The following UNC13C variants were observed in gnomAD, a reference collection of about 807,000 sequenced individuals.
The protein encoded by UNC13C is protein unc-13 homolog C.
In UNC13C, 174 loss-of-function variants were observed where a neutral mutation model predicts 245.4. The ratio of observed to expected loss-of-function variants is 0.71; its 90% CI spans 0.63 to 0.80. The LOEUF (loss-of-function observed/expected upper bound fraction) is 0.80. Among genes scored for constraint, UNC13C ranks in the 30% least tolerant of loss-of-function variants. The probability of loss-of-function intolerance (pLI) is 0.00; values close to 1 mark genes in which losing one functional copy is unlikely to be tolerated. For missense variants in UNC13C, 2,829 were observed against 2,602.9 expected (o/e 1.09, Z -1.89); for synonymous variants, 992 against 895.1 (o/e 1.11, Z -1.93).
intron 24 of UNC13C, among the ~76,000 whole-genome samples, chr15:54,515,085 A>T (rs190475676): frequency 1.6e-4 from 23 of 148,012 alleles, no homozygotes; most frequent in South Asian, 4.2e-4. Flanking sequence ...GAGAATATAT[A>T]AAAAAAAATC....
At chr15:54,377,640 G>T (rs148212129) in intron 17 of UNC13C, among the ~76,000 whole-genome samples, 1,983 of 152,316 alleles carry the variant, frequency 0.013, 14 homozygotes, top group Non-Finnish European at 0.02. Flanking sequence ...GGAAGTTCAA[G>T]ATGAAGGTGC....
intron 2 of UNC13C, among the ~76,000 whole-genome samples, chr15:54,078,294 C>A (rs1409080336): frequency 1.3e-5 from 2 of 152,174 alleles, no homozygotes; most frequent in Non-Finnish European, 2.9e-5. Context: ...GCTGCAATAA[C>A]CATAAGAGTC....
rs549555860 is a variant in UNC13C at position 54,302,029 on chromosome 15, C to T, written c.4268+1656C>T. Among the ~76,000 whole-genome samples the T allele has an allele frequency of 9.3e-4, 141 of 152,278 alleles. 1 individual carries two copies. Among genetic ancestry groups the T allele is most frequent in the Non-Finnish European group, 1.8e-3 (120 of 68,026 alleles). ...GATTGTGGTTTTGATTTGCATTTCT[C>T]TAATGACCAGTGATGATGAGCTTTT... is the stretch of plus-strand genomic sequence containing the variant. On this transcript the variant is annotated intron_variant, in intron 13 of 32. Transcript: ENST00000260323.
intron 20 of UNC13C, among the ~76,000 whole-genome samples, chr15:54,496,329 T>C (rs1893947046): frequency 6.6e-6 from 1 of 151,932 alleles, no homozygotes; most frequent in South Asian, 2.1e-4. Context: ...ATTTTGAAGA[T>C]AGAATTTACA....
chr15:54,172,358 C>A (rs28411748), intron 4 of UNC13C, among the ~76,000 whole-genome samples: 12,670 of 151,788 alleles, frequency 0.083, 781 homozygotes, highest in African/African-American at 0.16. Context: ...TTAAAATATA[C>A]CATGTACCCC....
chr15:54,368,598 G>A (rs1173876360), intron 17 of UNC13C, among the ~76,000 whole-genome samples: 1 of 151,644 alleles, frequency 6.6e-6, no homozygotes, highest in African/African-American at 2.4e-5. Flanking sequence ...AACACAAGGA[G>A]AATTAACTTC....
At chr15:54,084,377 C>G (rs1293792592) in intron 2 of UNC13C, among the ~76,000 whole-genome samples, 2 of 152,182 alleles carry the variant, frequency 1.3e-5, no homozygotes, top group Admixed American at 6.5e-5. Flanking sequence ...TATGAGTTGT[C>G]TTTATAACTC....
Position 54,457,651 on chromosome 15 carries a change from G to T in UNC13C, c.4934-36957G>T, listed in dbSNP as rs548665153. Among the ~76,000 whole-genome samples the T allele has an allele frequency of 2.4e-4, 37 of 152,062 alleles. No individual in the cohort carries two copies. The South Asian group carries it at 7.7e-3, about 32-fold the overall frequency. On this transcript the variant is annotated intron_variant, in intron 19 of 32. Coordinates refer to ENST00000260323, the MANE Select transcript of UNC13C (RefSeq NM_001080534.3). Reference sequence around the variant, plus strand: ...TTATCCATATCCTCTACGTTTTCCAGTTTGTGTGCATATAGGTGTTCAAAT... The same window carrying T: ...TTATCCATATCCTCTACGTTTTCCATTTTGTGTGCATATAGGTGTTCAAAT...
chr15:54,013,072 T>C lies in UNC13C; in HGVS notation c.169T>C (p.Tyr57His). 6.2e-7 allele frequency: 1 copy of C among 1,613,914 alleles called. No individual in the cohort carries two copies. Among genetic ancestry groups the C allele is most frequent in the South Asian group, 1.1e-5 (1 of 91,084 alleles). ...AGQTKSPKFS[Y>H]TFKSTVKKIA... Reference sequence around the variant, plus strand: ...CCAGACCAAATCCCCCAAATTTTCTTACACTTTTAAAAGCACTGTAAAGAA... The same window carrying C: ...CCAGACCAAATCCCCCAAATTTTCTCACACTTTTAAAAGCACTGTAAAGAA... The change falls in exon 2 of 33, where the codon TAC becomes CAC. Residue 57 changes from tyrosine (Y) to histidine (H), a missense_variant. Physicochemically the swap from Tyr to His is moderately conservative, Grantham distance 83. Transcript: ENST00000260323.
intron 30 of UNC13C, among the ~76,000 whole-genome samples, chr15:54,577,973 T>C (rs1289170157): frequency 1.3e-5 from 2 of 152,168 alleles, no homozygotes; most frequent in Non-Finnish European, 2.9e-5. Flanking sequence ...ACATCAAATT[T>C]TGATGACTCC....
rs543294239 is a variant in UNC13C, at chr15:54,415,065, A to C, written c.4931A>C (p.Glu1644Ala). The change falls in exon 19 of 33, where the codon GAA becomes GCA. Residue 1644 changes from glutamate (E) to alanine (A), a missense_variant and splice_region_variant. Physicochemically the swap from Glu to Ala is moderately radical, Grantham distance 107. Coordinates refer to ENST00000260323, the MANE Select transcript of UNC13C (RefSeq NM_001080534.3). ...GCTCTGGATATGAAATATGCATTAG[A>C]AGGTAATTATAAATATTTATACTTA... ...LFALDMKYALEEHENQRLCKS... is the reference protein window; with the variant it reads ...LFALDMKYALAEHENQRLCKS... The C allele has an allele frequency of 1.9e-6, 3 of 1,596,688 alleles. No homozygotes were observed. In the African/African-American group the frequency reaches 4.0e-5, roughly 21 times the overall value.
At chr15:54,242,820 T>G (rs891121340) in intron 7 of UNC13C, among the ~76,000 whole-genome samples, 21 of 152,210 alleles carry the variant, frequency 1.4e-4, no homozygotes, top group Admixed American at 1.3e-3. Flanking sequence ...GTTAGTTAAT[T>G]TTGTGATTAA....
chr15:54,017,354 T>A (rs1895707151), intron 2 of UNC13C, among the ~76,000 whole-genome samples: 2 of 151,742 alleles, frequency 1.3e-5, no homozygotes, highest in Admixed American at 1.3e-4. Flanking sequence ...TTTTTGAGAG[T>A]CGGATATCCT....
chr15:54,493,553 T>G (rs1026590224), intron 19 of UNC13C, among the ~76,000 whole-genome samples: 1 of 152,138 alleles, frequency 6.6e-6, no homozygotes, highest in Admixed American at 6.6e-5. Context: ...CAGGGATGCC[T>G]TTAATTTGTT....
At chr15:54,376,109 A>G (rs11633475) in intron 17 of UNC13C, among the ~76,000 whole-genome samples, 7,175 of 152,256 alleles carry the variant, frequency 0.047, 252 homozygotes, top group Admixed American at 0.11. Flanking sequence ...AATATCATTC[A>G]AATTGCTTTC....
chr15:53,920,143 A>G, the UNC13C span, among the ~76,000 whole-genome samples: 2 of 152,190 alleles, frequency 1.3e-5, no homozygotes, highest in Non-Finnish European at 2.9e-5. Context: ...GAATGGATGT[A>G]CCTTGTTTTA....
chr15:53,876,149 C>A, the UNC13C span, among the ~76,000 whole-genome samples: 1 of 152,126 alleles, frequency 6.6e-6, no homozygotes, highest in Non-Finnish European at 1.5e-5. Flanking sequence ...TTCATGATGA[C>A]TTTTAGCTTT....
chr15:54,091,207 G>T (rs1171383584), intron 2 of UNC13C, among the ~76,000 whole-genome samples: 4 of 152,042 alleles, frequency 2.6e-5, no homozygotes, highest in Non-Finnish European at 5.9e-5. Flanking sequence ...ACCTGTAATT[G>T]TCTCTCCTGC....
At chr15:54,004,806 T>C (rs1367682954) in intron 1 of UNC13C, among the ~76,000 whole-genome samples, 1 of 152,244 alleles carries the variant, frequency 6.6e-6, no homozygotes, top group Non-Finnish European at 1.5e-5. Flanking sequence ...GTATATATTC[T>C]TTTGATAAAT....
Sources: gnomAD v4.1 joint callset for allele counts (sites outside exome capture counted in the v4.1 genomes callset) on GRCh38, gnomAD v4.1.1 for gene constraint, MANE v1.5 for transcripts, NCBI Gene and HGNC (gene_info 2026-07-23, HGNC 2026-07-21) for gene names.